The following AKAP19 variants were observed in gnomAD, a reference collection of about 807,000 sequenced individuals.
AKAP19 encodes the protein small A-kinase anchoring protein.
the AKAP19 span, chr2:190,060,053 A>G: frequency 3.7e-6 from 6 of 1,610,582 alleles, no homozygotes; most frequent in African/African-American, 6.7e-5. Flanking sequence ...ATTTTCAGTT[A>G]TCACTTACCA....
chr2:190,034,085 A>T, the AKAP19 span, among the ~76,000 whole-genome samples: 1 of 138,668 alleles, frequency 7.2e-6, no homozygotes, highest in African/African-American at 2.7e-5. Flanking sequence ...AAAGTATAAT[A>T]AAAAAAATTA....
chr2:190,196,061 G>GTTA, the AKAP19 span, among the ~76,000 whole-genome samples: 1 of 148,028 alleles, frequency 6.8e-6, no homozygotes, highest in African/African-American at 2.5e-5. Context: ...CCTTTCAATT[G>GTTA]TTATTTTTAG....
At chr2:190,201,611 C>T in the AKAP19 span, 2 of 166,992 alleles carry the variant, frequency 1.2e-5, no homozygotes, top group East Asian at 3.8e-4. Context: ...AACCCACAAT[C>T]AAATAGAGTG....
chr2:190,070,180 T>C, the AKAP19 span, among the ~76,000 whole-genome samples: 3 of 152,194 alleles, frequency 2.0e-5, no homozygotes, highest in Non-Finnish European at 4.4e-5. Flanking sequence ...AATGAGCTGT[T>C]TTTGGCAATT....
the AKAP19 span, among the ~76,000 whole-genome samples, chr2:189,919,708 T>G: frequency 6.6e-6 from 1 of 152,196 alleles, no homozygotes; most frequent in African/African-American, 2.4e-5. Context: ...TGCCCCTGTA[T>G]AGGACATGAT....
the AKAP19 span, among the ~76,000 whole-genome samples, chr2:190,130,916 T>C: frequency 6.6e-5 from 10 of 152,218 alleles, no homozygotes; most frequent in African/African-American, 2.4e-4. Context: ...ATATTTGTTG[T>C]ATAAATGTGA....
At chr2:189,927,529 A>G in the AKAP19 span, among the ~76,000 whole-genome samples, 9,129 of 152,250 alleles carry the variant, frequency 0.06, 427 homozygotes, top group East Asian at 0.2. Context: ...TAGTATGAAG[A>G]ATTCTGTATA....
chr2:190,039,004 TTCTTCC>T, the AKAP19 span, among the ~76,000 whole-genome samples: 40 of 117,828 alleles, frequency 3.4e-4, 1 homozygote, highest in Middle Eastern at 4.0e-3. Context: ...TCTTCTCTTC[TTCTTCC>T]TCTTCCTCTT....
chr2:189,995,586 T>A, the AKAP19 span, among the ~76,000 whole-genome samples: 7 of 152,350 alleles, frequency 4.6e-5, no homozygotes, highest in African/African-American at 1.7e-4. Flanking sequence ...CTGTATATTT[T>A]AAGTGGAACT....
chr2:190,192,488 G>A, the AKAP19 span, among the ~76,000 whole-genome samples: 237 of 145,678 alleles, frequency 1.6e-3, no homozygotes, highest in African/African-American at 5.8e-3. Flanking sequence ...GTGTGTGTGT[G>A]TGTATCTATA....
the AKAP19 span, among the ~76,000 whole-genome samples, chr2:189,882,110 A>G: frequency 6.6e-6 from 1 of 152,172 alleles, no homozygotes; most frequent in Non-Finnish European, 1.5e-5. Flanking sequence ...AAGTTCCAAG[A>G]TAAACTTGGG....
chr2:190,036,593 G>A, the AKAP19 span, among the ~76,000 whole-genome samples: 2 of 46,068 alleles, frequency 4.3e-5, no homozygotes, highest in South Asian at 2.8e-3. Flanking sequence ...CAGGTTTTTG[G>A]TAGTATTTTT....
the AKAP19 span, among the ~76,000 whole-genome samples, chr2:190,052,159 C>G: frequency 6.6e-6 from 1 of 152,218 alleles, no homozygotes; most frequent in East Asian, 1.9e-4. Context: ...TCCCATGGCA[C>G]CTGGCCTCAT....
chr2:190,166,317 C>CTTTTTTTTTTTTTTTTTT, the AKAP19 span, among the ~76,000 whole-genome samples: 6 of 65,298 alleles, frequency 9.2e-5, no homozygotes, highest in African/African-American at 2.7e-4. Context: ...AAAATCCACT[C>CTTTTTTTTTTTTTTTTTT]TTTTTTTTTT....
chr2:190,116,088 G>T, the AKAP19 span, among the ~76,000 whole-genome samples: 4 of 152,148 alleles, frequency 2.6e-5, no homozygotes, highest in African/African-American at 9.7e-5. Flanking sequence ...TCTCACTCCG[G>T]CCACAGCTCG....
At chr2:189,902,283 C>T in the AKAP19 span, among the ~76,000 whole-genome samples, 15 of 151,824 alleles carry the variant, frequency 9.9e-5, no homozygotes, top group South Asian at 3.1e-3. Flanking sequence ...TTTTTTTCCT[C>T]CTGAGCATTA....
the AKAP19 span, among the ~76,000 whole-genome samples, chr2:190,036,804 G>T: frequency 6.6e-6 from 1 of 152,138 alleles, no homozygotes; most frequent in Non-Finnish European, 1.5e-5. Context: ...TATCCCTTAA[G>T]CATAACAGAT....
chr2:190,144,367 G>A, the AKAP19 span, among the ~76,000 whole-genome samples: 8 of 151,792 alleles, frequency 5.3e-5, no homozygotes, highest in African/African-American at 1.5e-4. Context: ...TCTAAACCAC[G>A]TTACTTTGCT....
the AKAP19 span, among the ~76,000 whole-genome samples, chr2:190,174,829 G>A: frequency 6.6e-6 from 1 of 152,150 alleles, no homozygotes; most frequent in Non-Finnish European, 1.5e-5. Flanking sequence ...ATAAATGCAG[G>A]TGAAGACTTA....
Sources: allele counts gnomAD v4.1 joint callset (sites outside exome capture counted in the v4.1 genomes callset), GRCh38; gene constraint gnomAD v4.1.1; transcripts MANE v1.5; gene names NCBI Gene and HGNC (gene_info 2026-07-23, HGNC 2026-07-21).